DPYD: variants seen among roughly 807,000 people sequenced by gnomAD.
DPYD encodes dihydropyrimidine dehydrogenase [NADP(+)].
Under a neutral mutation model 116.2 loss-of-function variants are expected in DPYD, and 109 were observed. The observed-to-expected ratio is 0.94, with a 90% CI of 0.80 to 1.10. DPYD has a LOEUF of 1.10. DPYD is among the 50% of genes least tolerant of loss of function. The probability of loss-of-function intolerance (pLI) is 0.00; values close to 1 mark genes in which losing one functional copy is unlikely to be tolerated. For missense variants in DPYD, 1,302 were observed against 1,254.5 expected (o/e 1.04, Z -0.57); for synonymous variants, 440 against 432.0 (o/e 1.02, Z -0.23).
intron 2 of DPYD, among the ~76,000 whole-genome samples, chr1:97,830,405 A>G (rs1415195712): frequency 1.3e-5 from 2 of 152,162 alleles, no homozygotes; most frequent in Non-Finnish European, 2.9e-5. Context: ...AGATAAACAC[A>G]TTCTTGGATT....
chr1:97,489,588 C>T (rs1678854749), intron 13 of DPYD, among the ~76,000 whole-genome samples: 1 of 152,130 alleles, frequency 6.6e-6, no homozygotes, highest in Non-Finnish European at 1.5e-5. Context: ...TGGTTATTGT[C>T]CTGGTTACTC....
At chr1:97,801,836 GT>G (rs138232496) in intron 3 of DPYD, among the ~76,000 whole-genome samples, 3,905 of 151,706 alleles carry the variant, frequency 0.026, 167 homozygotes, top group African/African-American at 0.086. Flanking sequence ...TGCTTAGCAT[GT>G]TTTTTTCCAA....
chr1:97,654,845 C>T (rs546603031), intron 8 of DPYD, among the ~76,000 whole-genome samples: 1 of 152,212 alleles, frequency 6.6e-6, no homozygotes, highest in African/African-American at 2.4e-5. Context: ...ACTGAGCTCG[C>T]AGTTCCATGT....
chr1:97,865,029 AGAG>A (rs1671303805), intron 2 of DPYD, among the ~76,000 whole-genome samples: 1 of 151,780 alleles, frequency 6.6e-6, no homozygotes, highest in Non-Finnish European at 1.5e-5. Flanking sequence ...ATGTGTTTGT[AGAG>A]GAGGAAATAT....
intron 19 of DPYD, among the ~76,000 whole-genome samples, chr1:97,200,463 A>G (rs1284698432): frequency 6.6e-6 from 1 of 152,166 alleles, no homozygotes; most frequent in Non-Finnish European, 1.5e-5. Context: ...GAAGAGGTTC[A>G]AGAAGCCTCC....
chr1:97,908,192 CA>C (rs1673740745), intron 1 of DPYD, among the ~76,000 whole-genome samples: 2 of 151,992 alleles, frequency 1.3e-5, no homozygotes, highest in Admixed American at 6.6e-5. Context: ...ATTACAGGCA[CA>C]CACCAGCACA....
chr1:97,533,316 C>A (rs1282065492), intron 12 of DPYD, among the ~76,000 whole-genome samples: 1 of 152,124 alleles, frequency 6.6e-6, no homozygotes, highest in African/African-American at 2.4e-5. Flanking sequence ...ATAGCCTCTA[C>A]TGCATACAAA....
chr1:97,377,909 C>T (rs535122574), intron 15 of DPYD, among the ~76,000 whole-genome samples: 2 of 152,310 alleles, frequency 1.3e-5, no homozygotes, highest in African/African-American at 2.4e-5. Flanking sequence ...GAAGGGAAGA[C>T]GTCCGTGGGT....
In DPYD at chr1:97,705,239, G is replaced by A. The variant is rs898128004; in HGVS notation, c.484-5692C>T. Among the ~76,000 whole-genome samples, 5 of 151,710 alleles carry A rather than the reference G, an allele frequency of 3.3e-5. No individual in the cohort carries two copies. The South Asian group carries it at 6.2e-4, about 19-fold the overall frequency. ...GTTGGTGTGCTGCACCCATTAACTC[G>A]TCATCTAGCATTAGGTATATCTCCT... On this transcript the variant is annotated intron_variant, in intron 5 of 22. Coordinates refer to ENST00000370192, the MANE Select transcript of DPYD (RefSeq NM_000110.4).
intron 18 of DPYD, among the ~76,000 whole-genome samples, chr1:97,293,156 G>A (rs1666317550): frequency 6.6e-6 from 1 of 152,158 alleles, no homozygotes; most frequent in African/African-American, 2.4e-5. Context: ...ATTGTGACCT[G>A]TCATTACTGT....
chr1:97,325,147 G>A (rs74343569), intron 16 of DPYD, among the ~76,000 whole-genome samples: 2,934 of 152,096 alleles, frequency 0.019, 104 homozygotes, highest in African/African-American at 0.067. Context: ...CAAATGCAGA[G>A]TACCCAAAGG....
intron 18 of DPYD, among the ~76,000 whole-genome samples, chr1:97,288,432 G>C (rs1000125848): frequency 1.2e-4 from 18 of 151,714 alleles, no homozygotes; most frequent in African/African-American, 4.4e-4. Context: ...CCACATAGTT[G>C]GAAGTAAAGC....
chr1:97,549,751 A>C lies in DPYD; in HGVS notation c.1340-7T>G. 6.2e-7 allele frequency: 1 copy of C among 1,612,460 alleles called. No homozygotes were observed. ...GGGCTCAAGGCTTCTTTTACTGAAA[A>C]AACAAGTGAAAAACAATAGACAATC... On this transcript the variant is annotated splice_polypyrimidine_tract_variant and splice_region_variant and intron_variant, in intron 11 of 22. Transcript: ENST00000370192.
intron 3 of DPYD, chr1:97,798,054 C>A (rs1931063): frequency 6.6e-6 from 1 of 151,846 alleles, no homozygotes; most frequent in African/African-American, 2.4e-5. Flanking sequence ...TTTATTGGAT[C>A]TTAGTTGGCT....
intron 18 of DPYD, among the ~76,000 whole-genome samples, chr1:97,301,326 C>T (rs868119771): frequency 1.3e-5 from 2 of 152,112 alleles, no homozygotes; most frequent in South Asian, 4.1e-4. Context: ...TAATGAATAA[C>T]TTCAAACAAG....
rs1301300222 is a variant in DPYD, at chr1:97,195,600, G to A, written c.2443-2352C>T. 8.8e-5 allele frequency among the ~76,000 whole-genome samples: 10 copies of A among 113,144 alleles called. 1 individual carries two copies. Among genetic ancestry groups the A allele is most frequent in the African/African-American group, 1.7e-4 (5 of 28,852 alleles). The allele number at this position is 113,144 out of a possible 152,430, so 74.2% of individuals were successfully genotyped here. The stretch of plus-strand genomic sequence containing the variant: ...TATATATATATATATATATATGTGT[G>A]TGTGTGTATATATATGTATGTGTAT... On this transcript the variant is annotated intron_variant, in intron 19 of 22. Transcript: ENST00000370192.
chr1:97,359,433 C>T (rs1410075755), intron 16 of DPYD, among the ~76,000 whole-genome samples: 2 of 152,100 alleles, frequency 1.3e-5, no homozygotes, highest in Admixed American at 1.3e-4. Flanking sequence ...GGCAGGCCAA[C>T]ATTCAAATTC....
intron 16 of DPYD, among the ~76,000 whole-genome samples, chr1:97,332,227 G>C (rs548188102): frequency 4.6e-5 from 7 of 152,148 alleles, no homozygotes; most frequent in Non-Finnish European, 1.0e-4. Flanking sequence ...TATTCCTGTA[G>C]TCTCTGAGCT....
intron 13 of DPYD, among the ~76,000 whole-genome samples, chr1:97,510,247 C>T (rs568610260): frequency 2.0e-5 from 3 of 152,010 alleles, no homozygotes; most frequent in South Asian, 4.2e-4. Flanking sequence ...GACCCTGATT[C>T]TCCATCCCTG....
Sources: gnomAD v4.1 joint callset for allele counts (sites outside exome capture counted in the v4.1 genomes callset) on GRCh38, gnomAD v4.1.1 for gene constraint, MANE v1.5 for transcripts, NCBI Gene and HGNC (gene_info 2026-07-23, HGNC 2026-07-21) for gene names.